Variants in NUP214 observed in about 807,000 individuals in gnomAD.
NUP214 encodes nucleoporin 214.
A neutral mutation model predicts 196.2 loss-of-function variants in NUP214; 79 were observed. The observed-to-expected ratio is 0.40, with a 90% confidence interval of 0.34 to 0.49. The LOEUF (loss-of-function observed/expected upper bound fraction) is 0.49. NUP214 is among the 20% of genes least tolerant of loss of function. NUP214 has a pLI of 0.58. For synonymous variants in NUP214, 1,020 were observed against 990.5 expected (o/e 1.03, Z -0.56); for missense variants, 2,468 against 2,539.0 (o/e 0.97, Z 0.60).
intron 29 of NUP214, 97 bp downstream of exon 29, chr9:131,199,112 A>G: frequency 7.1e-7 from 1 of 1,403,032 alleles, no homozygotes; most frequent in Non-Finnish European, 9.6e-7. Context: ...GGGGAGACTC[A>G]AAACCCAAAA....
At chr9:131,224,031 G>A (rs1240632252) in intron 32 of NUP214, among the ~76,000 whole-genome samples, 3 of 151,776 alleles carry the variant, frequency 2.0e-5, no homozygotes, top group Non-Finnish European at 2.9e-5. Flanking sequence ...ACCATGCCCA[G>A]CCCCCAAATC....
chr9:131,133,306 T>TG, intron 7 of NUP214, 97 bp downstream of exon 7: 1 of 358,270 alleles, frequency 2.8e-6, no homozygotes, highest in Non-Finnish European at 4.6e-6. Flanking sequence ...GTGTTTGTGT[T>TG]TTTTTTTTTT....
At chr9:131,228,931 T>G (rs1834797754) in intron 33 of NUP214, 1 of 152,094 alleles carries the variant, frequency 6.6e-6, no homozygotes, top group African/African-American at 2.4e-5. Context: ...AAGGGCAGAA[T>G]TTCAGTGTGG....
Position 131,132,793 on chromosome 9 carries a change from A to G in NUP214, c.727+134A>G, listed in dbSNP as rs938809893. 16 of 770,708 alleles carry G rather than the reference A, an allele frequency of 2.1e-5. No homozygotes were observed. In the East Asian group the frequency reaches 3.6e-4, roughly 17 times the overall value. The allele number at this position is 770,708 out of a possible 1,614,324, so 47.7% of individuals were successfully genotyped here. The stretch of plus-strand genomic sequence containing the variant: ...TATGAATAATGTCACTATTTCAAAC[A>G]GCTAATTAAGTCAGTGTAAATTATG... On this transcript the variant is annotated intron_variant, in intron 6 of 35. Coordinates refer to ENST00000359428, the MANE Select transcript of NUP214 (RefSeq NM_005085.4).
chr9:131,134,760 T>A, intron 7 of NUP214, 138 bp from the exon 8 acceptor site: 1 of 640,442 alleles, frequency 1.6e-6, no homozygotes. Context: ...GTGCTGCCTT[T>A]ATACCATGTC....
intron 29 of NUP214, among the ~76,000 whole-genome samples, chr9:131,200,570 G>T (rs1026948160): frequency 6.6e-6 from 1 of 152,182 alleles, no homozygotes; most frequent in African/African-American, 2.4e-5. Flanking sequence ...TTAGCTGGGC[G>T]TCGTGGCAGG....
At position 131,146,158 on chromosome 9, in the gene NUP214, T is replaced by G. The variant is rs767723486; in HGVS notation, c.1799T>G (p.Val600Gly). ...ACTGCTGCAGCTACCTCTACTCCTG[T>G]TAGTAGCTCCCAGAGCGCACCCCCG... The part of the protein sequence containing the change: ...KFTAAATSTP[V>G]SSSQSAPPMS... Residue 600 changes from valine to glycine, a missense_variant, in exon 13 of 36, where the codon GTT (valine) becomes GGT (glycine). Physicochemically the swap from Val to Gly is moderately radical, Grantham distance 109 (BLOSUM62 -3). Transcript: ENST00000359428. This position sits in a 1 kb window ranked among gnomAD's most constrained non-coding sequence, Gnocchi z 4.6. The G allele has an allele frequency of 3.7e-6, 6 of 1,614,160 alleles. No homozygotes were observed. In the South Asian group the frequency reaches 5.5e-5, roughly 15 times the overall value.
intron 3 of NUP214, chr9:131,128,702 A>G (rs540810263): frequency 8.7e-6 from 4 of 462,398 alleles, no homozygotes; most frequent in East Asian, 6.9e-5. Flanking sequence ...AGTTGTTATC[A>G]GGAGGCTTAG....
At chr9:131,221,715 T>C (rs1195771508) in intron 31 of NUP214, among the ~76,000 whole-genome samples, 1 of 152,240 alleles carries the variant, frequency 6.6e-6, no homozygotes, top group Non-Finnish European at 1.5e-5. Flanking sequence ...CTCCCATTTA[T>C]GCCTTGTGTC....
chr9:131,140,584 A>G lies in NUP214; in HGVS notation c.1168A>G (p.Met390Val). The G allele has an allele frequency of 6.2e-7, 1 of 1,613,574 alleles. No homozygotes were observed. The highest frequency in any genetic ancestry group is 8.5e-7 in the Non-Finnish European group (1 of 1,179,820). ...EKTLPPAPVL[M>V]LLSTDGVLCP... ...GACTCTTCCTCCTGCTCCAGTTCTC[A>G]TGTTACTTTCAACAGATGGTGTGCT... The change falls in exon 11 of 36, where the codon ATG becomes GTG. Residue 390 changes from methionine (M) to valine (V), a missense_variant. Transcript: ENST00000359428.
Position 131,193,629 on chromosome 9 carries a change from CTTTTTTTTTTT to C in NUP214, c.3659+1360_3659+1370del, listed in dbSNP as rs71389402. ...GTGAAATGATATTCTTCTTCCTTTT[CTTTTTTTTTTT>C]TTTTTTTTTTTTTTTTTTTTTTGGA... On this transcript the variant is annotated intron_variant, in intron 27 of 35. Coordinates refer to ENST00000359428, the MANE Select transcript of NUP214 (RefSeq NM_005085.4). 8.9e-3 allele frequency among the ~76,000 whole-genome samples: 252 copies of C among 28,248 alleles called. 2 individuals carry two copies. Among genetic ancestry groups the C allele is most frequent in the African/African-American group, 0.026 (217 of 8,358 alleles). 18.5% of individuals were successfully genotyped at this position (28,248 alleles called of 152,430 possible).
chr9:131,188,259 T>C (rs2131025615), intron 25 of NUP214, among the ~76,000 whole-genome samples: 1 of 152,380 alleles, frequency 6.6e-6, no homozygotes, highest in East Asian at 1.9e-4. Context: ...CTAGCTTGTC[T>C]AGCTTCAGGC....
chr9:131,184,007 CTTTTTCTTTTTTCTTTTTCTTTTT>C (rs1833368620), intron 24 of NUP214, among the ~76,000 whole-genome samples: 1 of 129,954 alleles, frequency 7.7e-6, no homozygotes, highest in Non-Finnish European at 1.7e-5. Context: ...TTTTTCTTTT[CTTTTTCTTTTTTCTTTTTCTTTTT>C]TTTTTTTTTT....
At chr9:131,219,883 G>A (rs1834510678) in intron 31 of NUP214, among the ~76,000 whole-genome samples, 1 of 152,216 alleles carries the variant, frequency 6.6e-6, no homozygotes, top group Admixed American at 6.5e-5. Context: ...TTCGGAGTAT[G>A]CATTGAATTC....
At chr9:131,161,259 C>CTTT (rs34588166) in intron 18 of NUP214, among the ~76,000 whole-genome samples, 4 of 136,190 alleles carry the variant, frequency 2.9e-5, no homozygotes, top group South Asian at 2.3e-4. Context: ...ATTGAAATGC[C>CTTT]TTTTTTTTTT....
chr9:131,152,333 C>G (rs999682872), intron 17 of NUP214, among the ~76,000 whole-genome samples: 1 of 152,108 alleles, frequency 6.6e-6, no homozygotes, highest in Non-Finnish European at 1.5e-5. Context: ...CCCAGCCCAG[C>G]TGGTCTTGAA....
intron 32 of NUP214, among the ~76,000 whole-genome samples, chr9:131,225,982 T>C (rs1471019698): frequency 2.0e-5 from 3 of 152,184 alleles, no homozygotes; most frequent in Non-Finnish European, 4.4e-5. Context: ...GCTGTCTCGC[T>C]AAAGTGTTAG....
chr9:131,176,349 G>C (rs903256135), intron 23 of NUP214, among the ~76,000 whole-genome samples: 1 of 150,934 alleles, frequency 6.6e-6, no homozygotes, highest in Admixed American at 6.6e-5. Flanking sequence ...TTTGAGACAG[G>C]GTCTCACTGT....
chr9:131,137,150 C>G (rs191183480), intron 9 of NUP214, among the ~76,000 whole-genome samples: 1 of 152,148 alleles, frequency 6.6e-6, no homozygotes, highest in African/African-American at 2.4e-5. Flanking sequence ...CTTATTAGTA[C>G]AAGTATTTCA....
Sources: allele counts gnomAD v4.1 joint callset (sites outside exome capture counted in the v4.1 genomes callset), GRCh38; gene constraint gnomAD v4.1.1; non-coding constraint Gnocchi (gnomAD v3.1); transcripts MANE v1.5; gene names NCBI Gene and HGNC (gene_info 2026-07-23, HGNC 2026-07-21).